The following TRUB1 variants were observed in gnomAD, a reference collection of about 807,000 sequenced individuals.
TRUB1 encodes the protein pseudouridylate synthase TRUB1.
TRUB1 carries 23 observed loss-of-function variants against 33.9 expected under a neutral mutation model. The ratio of observed to expected loss-of-function variants is 0.68; its 90% CI spans 0.49 to 0.96. The LOEUF (loss-of-function observed/expected upper bound fraction) is 0.96, where lower values mean the gene tolerates loss of function less well. Ranked by LOEUF, TRUB1 falls within the 40% of genes least tolerant of loss-of-function variation. The pLI is 0.00. For synonymous variants in TRUB1, 163 were observed against 165.4 expected (o/e 0.99, Z 0.11); for missense variants, 378 against 422.2 (o/e 0.90, Z 0.92).
At chr10:114,960,309 C>G (rs976108966) in intron 4 of TRUB1, among the ~76,000 whole-genome samples, 1 of 152,078 alleles carries the variant, frequency 6.6e-6, no homozygotes, top group African/African-American at 2.4e-5. Flanking sequence ...TCACTGGGGC[C>G]CACCTTAAGT....
chr10:114,970,504 T>C (rs189285475), intron 5 of TRUB1, 64 bp downstream of exon 5: 12 of 1,200,962 alleles, frequency 1.0e-5, no homozygotes, highest in Admixed American at 8.8e-5. Flanking sequence ...AACATCACTC[T>C]AGTTAAAATA....
chr10:114,951,571 G>A (rs2084235389), intron 3 of TRUB1, among the ~76,000 whole-genome samples: 1 of 152,150 alleles, frequency 6.6e-6, no homozygotes, highest in South Asian at 2.1e-4. Context: ...TTAAAGAAAA[G>A]AGTAGGGCCT....
At chr10:114,959,838 T>TC in intron 4 of TRUB1, 31 bp downstream of exon 4, 1 of 1,373,042 alleles carries the variant, frequency 7.3e-7, no homozygotes, top group African/African-American at 1.5e-5. Flanking sequence ...AGGCCTCTTT[T>TC]CTAACATTTA....
intron 1 of TRUB1, among the ~76,000 whole-genome samples, chr10:114,938,873 AAAGG>A (rs2084172430): frequency 6.6e-6 from 1 of 152,240 alleles, no homozygotes; most frequent in Admixed American, 6.5e-5. Flanking sequence ...ATGAACCCCA[AAAGG>A]AAGTACTGGT....
intron 2 of TRUB1, among the ~76,000 whole-genome samples, chr10:114,943,255 C>T (rs972346649): frequency 8.6e-5 from 13 of 151,966 alleles, no homozygotes; most frequent in Non-Finnish European, 1.0e-4. Context: ...GCACTGGGGC[C>T]GGGTGCAGTG....
intron 2 of TRUB1, among the ~76,000 whole-genome samples, chr10:114,946,369 CTT>C (rs2084211351): frequency 6.6e-6 from 1 of 151,924 alleles, no homozygotes; most frequent in Non-Finnish European, 1.5e-5. Flanking sequence ...TGAGATGAGT[CTT>C]GCTCTTGTTG....
At chr10:114,960,496 T>G (rs1344832015) in intron 4 of TRUB1, among the ~76,000 whole-genome samples, 1 of 152,178 alleles carries the variant, frequency 6.6e-6, no homozygotes, top group Non-Finnish European at 1.5e-5. Context: ...GTGTTATCTC[T>G]TAGTCATAGG....
intron 4 of TRUB1, among the ~76,000 whole-genome samples, chr10:114,969,799 T>G (rs550304938): frequency 6.6e-6 from 1 of 151,574 alleles, no homozygotes; most frequent in Non-Finnish European, 1.5e-5. Context: ...GGGGGACAGA[T>G]AAATGCAATT....
In TRUB1 at chr10:114,975,935, G is replaced by C. The variant is rs370893108; in HGVS notation, c.*556G>C. ...ATCTAGTAATACCTGTGTTTGTTTA[G>C]ATCTTGGAAATGAATAAGCTTTGAT... is the stretch of plus-strand genomic sequence containing the variant. On this transcript the variant is annotated 3_prime_UTR_variant, in exon 8 of 8. Transcript: ENST00000298746. 1 of 152,286 alleles carries C rather than the reference G, an allele frequency of 6.6e-6. No individual in the cohort carries two copies. The allele number at this position is 152,286 out of a possible 1,614,324, so 9.4% of individuals were successfully genotyped here.
chr10:114,976,782 A>G lies in TRUB1; in HGVS notation c.*1403A>G, dbSNP rs1355848584. The G allele has an allele frequency of 3.0e-5, 4 of 135,238 alleles. No individual in the cohort carries two copies. Among genetic ancestry groups the G allele is most frequent in the African/African-American group, 1.4e-4 (4 of 27,848 alleles). The allele number at this position is 135,238 out of a possible 1,614,324, so 8.4% of individuals were successfully genotyped here. On this transcript the variant is annotated 3_prime_UTR_variant, in exon 8 of 8. Coordinates refer to ENST00000298746, the MANE Select transcript of TRUB1 (RefSeq NM_139169.5). ...GCAACATATTTTAAATGAAAACACTAAAACAATTCTTAGTATGAGACAAAA... is the reference window on the plus strand; with the variant it reads ...GCAACATATTTTAAATGAAAACACTGAAACAATTCTTAGTATGAGACAAAA...
intron 3 of TRUB1, among the ~76,000 whole-genome samples, chr10:114,954,088 C>T (rs1211960864): frequency 6.6e-6 from 1 of 151,732 alleles, no homozygotes; most frequent in Non-Finnish European, 1.5e-5. Flanking sequence ...TGGCTGCAGC[C>T]CCCTAACTTG....
intron 3 of TRUB1, among the ~76,000 whole-genome samples, chr10:114,957,445 A>G (rs1165644079): frequency 1.3e-5 from 2 of 152,234 alleles, no homozygotes; most frequent in Non-Finnish European, 2.9e-5. Context: ...CCTAGCACTT[A>G]GGAGAATACT....
rs11813673 is a variant in TRUB1, at chr10:114,951,669, G to A, written c.441+520G>A. On this transcript the variant is annotated intron_variant, in intron 3 of 7. Coordinates refer to ENST00000298746, the MANE Select transcript of TRUB1 (RefSeq NM_139169.5). ...TCCAGGCACTTGATAGAAGAGAGAAGGGGTTATTTGGAGGCAGGAGAGGCT... is the reference window on the plus strand; with the variant it reads ...TCCAGGCACTTGATAGAAGAGAGAAAGGGTTATTTGGAGGCAGGAGAGGCT... Among the ~76,000 whole-genome samples, 415 of 152,300 alleles carry A rather than the reference G, an allele frequency of 2.7e-3. 2 individuals are homozygous for A. The highest frequency in any genetic ancestry group is 9.5e-3 in the African/African-American group (393 of 41,564).
intron 2 of TRUB1, among the ~76,000 whole-genome samples, chr10:114,950,145 G>A (rs924457738): frequency 2.0e-4 from 31 of 152,186 alleles, no homozygotes; most frequent in African/African-American, 6.0e-4. Context: ...TGATCCGCCC[G>A]CCTCAACCTC....
chr10:114,942,705 A>C lies in TRUB1; in HGVS notation c.347A>C (p.His116Pro). 3 of 1,614,094 alleles carry C rather than the reference A, an allele frequency of 1.9e-6. No homozygotes were observed. The highest frequency in any genetic ancestry group is 2.5e-6 in the Non-Finnish European group (3 of 1,179,960). ...AAAAAGCAGACTTTGAAAATTGGGC[A>C]TGGAGGGACTCTAGACAGCGCAGCC... is the stretch of plus-strand genomic sequence containing the variant. Reference protein sequence around the residue: ...KRKKQTLKIGHGGTLDSAARG... With the variant: ...KRKKQTLKIGPGGTLDSAARG... Residue 116 changes from histidine (H) to proline (P), a missense_variant, in exon 2 of 8, where the codon CAT becomes CCT. Coordinates refer to ENST00000298746, the MANE Select transcript of TRUB1 (RefSeq NM_139169.5).
intron 5 of TRUB1, among the ~76,000 whole-genome samples, chr10:114,971,197 G>T (rs751082978): frequency 3.3e-5 from 5 of 152,142 alleles, no homozygotes; most frequent in Non-Finnish European, 5.9e-5. Context: ...TGCGCCCTAC[G>T]ACCTAATTAC....
Position 114,970,473 on chromosome 10 carries a change from T to C in TRUB1, c.596+33T>C, listed in dbSNP as rs1342771465. The C allele has an allele frequency of 2.0e-6, 3 of 1,471,922 alleles. No individual in the cohort carries two copies. The East Asian group carries it at 6.8e-5, about 33-fold the overall frequency. The allele number at this position is 1,471,922 out of a possible 1,614,324, so 91.2% of individuals were successfully genotyped here. The stretch of plus-strand genomic sequence containing the variant: ...CAATTAGTAAATTTGGAAAAATGTT[T>C]ACTTTTCTTTTCCAATGGTTAACAT... On this transcript the variant is annotated intron_variant, in intron 5 of 7. Transcript: ENST00000298746.
At chr10:114,961,026 G>C (rs751530281) in intron 4 of TRUB1, among the ~76,000 whole-genome samples, 1 of 151,996 alleles carries the variant, frequency 6.6e-6, no homozygotes, top group Non-Finnish European at 1.5e-5. Context: ...AATATAAGGC[G>C]CACTAGAGTA....
intron 4 of TRUB1, chr10:114,960,100 T>G (rs1394912752): frequency 3.3e-6 from 1 of 298,692 alleles, no homozygotes; most frequent in African/African-American, 2.2e-5. Flanking sequence ...TAGGTTATTT[T>G]CCCTAGTAAA....
Sources: gnomAD v4.1 joint callset for allele counts (sites outside exome capture counted in the v4.1 genomes callset) on GRCh38, gnomAD v4.1.1 for gene constraint, MANE v1.5 for transcripts, NCBI Gene and HGNC (gene_info 2026-07-23, HGNC 2026-07-21) for gene names.